ROBO2: variants seen among roughly 807,000 people sequenced by gnomAD.
ROBO2 encodes the protein roundabout homolog 2.
A neutral mutation model predicts 160.8 loss-of-function variants in ROBO2; 53 were observed. The ratio of observed to expected loss-of-function variants is 0.33; its 90% confidence interval spans 0.26 to 0.41. The LOEUF (loss-of-function observed/expected upper bound fraction) is 0.41. Ranked by LOEUF, ROBO2 falls within the 10% of genes least tolerant of loss-of-function variation. ROBO2 has a pLI of 1.00. For synonymous variants in ROBO2, 664 were observed against 611.7 expected, an observed-to-expected ratio of 1.09 and a Z score of -1.26; for missense variants, 1,577 against 1,722.4, an observed-to-expected ratio of 0.92 and a Z score of 1.49.
chr3:76,847,707 T>C (rs2068906263), intron 2 of ROBO2, among the ~76,000 whole-genome samples: 1 of 152,136 alleles, frequency 6.6e-6, no homozygotes. Context: ...CTCAGTATAT[T>C]TTTCTTGCTA....
intron 20 of ROBO2, among the ~76,000 whole-genome samples, chr3:77,605,467 TC>T (rs2094508152): frequency 6.6e-6 from 1 of 152,044 alleles, no homozygotes; most frequent in African/African-American, 2.4e-5. Context: ...TGATTTGTAA[TC>T]CTACACGTAC....
At chr3:76,257,813 A>T (rs1389597062) in intron 2 of ROBO2, among the ~76,000 whole-genome samples, 1 of 152,158 alleles carries the variant, frequency 6.6e-6, no homozygotes, top group African/African-American at 2.4e-5. Flanking sequence ...TTATTATATC[A>T]GTGCATCCTC....
At chr3:77,502,857 T>G (rs1345522638) in intron 5 of ROBO2, among the ~76,000 whole-genome samples, 1 of 152,074 alleles carries the variant, frequency 6.6e-6, no homozygotes, top group Non-Finnish European at 1.5e-5. Context: ...TTCAGGGTTG[T>G]GGGGATGGCA....
chr3:77,487,894 A>C (rs2085568738), intron 4 of ROBO2, among the ~76,000 whole-genome samples: 1 of 152,204 alleles, frequency 6.6e-6, no homozygotes, highest in Admixed American at 6.5e-5. Context: ...CCACACAGTG[A>C]TTGACAATTT....
intron 1 of ROBO2, among the ~76,000 whole-genome samples, chr3:75,937,110 A>G (rs1947817747): frequency 6.6e-6 from 1 of 152,154 alleles, no homozygotes; most frequent in East Asian, 1.9e-4. Context: ...GGTATGTTAA[A>G]TTCATCAATT....
intron 2 of ROBO2, among the ~76,000 whole-genome samples, chr3:76,988,837 A>G (rs914431067): frequency 6.6e-6 from 1 of 152,162 alleles, no homozygotes. Context: ...AAAATCGAGT[A>G]TCAAACTACA....
intron 2 of ROBO2, among the ~76,000 whole-genome samples, chr3:76,634,215 C>G (rs574220263): frequency 5.3e-5 from 8 of 152,296 alleles, no homozygotes; most frequent in African/African-American, 1.9e-4. Flanking sequence ...CTCACATGGT[C>G]TTCCTTCTGT....
intron 1 of ROBO2, among the ~76,000 whole-genome samples, chr3:77,053,547 AT>A (rs2149708304): frequency 6.6e-6 from 1 of 152,190 alleles, no homozygotes; most frequent in East Asian, 1.9e-4. Flanking sequence ...AAATGTAACG[AT>A]TTGGTGGGTG....
At chr3:76,297,998 A>C (rs1160930212) in intron 2 of ROBO2, among the ~76,000 whole-genome samples, 1 of 152,208 alleles carries the variant, frequency 6.6e-6, no homozygotes, top group Non-Finnish European at 1.5e-5. Flanking sequence ...TGCTGAGCCC[A>C]GGTGGATGCC....
At chr3:76,130,011 G>A (rs1357536991) in intron 2 of ROBO2, among the ~76,000 whole-genome samples, 1 of 152,020 alleles carries the variant, frequency 6.6e-6, no homozygotes, top group East Asian at 1.9e-4. Flanking sequence ...TCAACTGCTC[G>A]TCATTGGGGA....
chr3:76,742,247 C>T (rs1172098405), intron 2 of ROBO2, among the ~76,000 whole-genome samples: 1 of 152,046 alleles, frequency 6.6e-6, no homozygotes, highest in Non-Finnish European at 1.5e-5. Context: ...ACTGCCTATA[C>T]CCTTAATTTT....
chr3:76,838,491 G>A (rs1183572615), intron 2 of ROBO2, among the ~76,000 whole-genome samples: 1 of 152,054 alleles, frequency 6.6e-6, no homozygotes, highest in Non-Finnish European at 1.5e-5. Context: ...TTGAGGTAGT[G>A]TGAAAAGGAA....
intron 2 of ROBO2, among the ~76,000 whole-genome samples, chr3:77,312,031 A>T (rs2063586167): frequency 6.6e-6 from 1 of 152,162 alleles, no homozygotes; most frequent in South Asian, 2.1e-4. Flanking sequence ...GGTTGCAGTG[A>T]GCTGAGATCA....
At chr3:77,317,651 T>C in intron 2 of ROBO2, 5 of 227,002 alleles carry the variant, frequency 2.2e-5, no homozygotes, top group South Asian at 6.6e-5. Context: ...GGCTGCTGGT[T>C]GCTGCTGGGG....
intron 2 of ROBO2, among the ~76,000 whole-genome samples, chr3:77,415,705 C>A (rs190455277): frequency 2.1e-3 from 319 of 152,204 alleles, no homozygotes; most frequent in African/African-American, 7.4e-3. Context: ...GCTTTGGGCA[C>A]CAGCATCTAG....
At chr3:77,291,820 T>G (rs1364620114) in intron 2 of ROBO2, among the ~76,000 whole-genome samples, 5 of 147,776 alleles carry the variant, frequency 3.4e-5, no homozygotes, top group Non-Finnish European at 7.4e-5. Flanking sequence ...AGGCATAAAG[T>G]AAAATTGATG....
chr3:76,134,488 G>A (rs1367398154), intron 2 of ROBO2, among the ~76,000 whole-genome samples: 1 of 152,090 alleles, frequency 6.6e-6, no homozygotes, highest in African/African-American at 2.4e-5. Context: ...ACTAATCAGA[G>A]GTTATCTTGG....
At chr3:77,435,373 T>C (rs1282833495) in intron 2 of ROBO2, among the ~76,000 whole-genome samples, 1 of 152,008 alleles carries the variant, frequency 6.6e-6, no homozygotes, top group East Asian at 1.9e-4. Context: ...ATTAAGAAAC[T>C]GATCTATTAT....
chr3:76,662,494 T>A (rs980005607), intron 2 of ROBO2, among the ~76,000 whole-genome samples: 2 of 151,714 alleles, frequency 1.3e-5, no homozygotes, highest in African/African-American at 4.8e-5. Context: ...AGCTAAGATA[T>A]GTTTCTCACT....
Sources: allele counts gnomAD v4.1 joint callset (sites outside exome capture counted in the v4.1 genomes callset), GRCh38; gene constraint gnomAD v4.1.1; transcripts MANE v1.5; gene names NCBI Gene and HGNC (gene_info 2026-07-23, HGNC 2026-07-21).